The following BABAM2 variants were observed in gnomAD, a reference collection of about 807,000 sequenced individuals.
BABAM2 encodes BRISC and BRCA1-A complex member 2.
BABAM2 carries 31 observed loss-of-function variants against 54.7 expected under a neutral mutation model. The ratio of observed to expected loss-of-function variants is 0.57; its 90% CI spans 0.43 to 0.77. The LOEUF (loss-of-function observed/expected upper bound fraction) is 0.77, where lower values mean the gene tolerates loss of function less well. Ranked by LOEUF, BABAM2 falls within the 30% of genes least tolerant of loss-of-function variation. The pLI, the probability that BABAM2 is intolerant of heterozygous loss-of-function variation, is 0.00. For synonymous variants in BABAM2, 167 were observed against 162.9 expected, an observed-to-expected ratio of 1.03 and a Z score of -0.19; for missense variants, 364 against 455.8, an observed-to-expected ratio of 0.80 and a Z score of 1.83.
At chr2:28,197,454 G>C (rs1677724000) in intron 7 of BABAM2, among the ~76,000 whole-genome samples, 1 of 152,150 alleles carries the variant, frequency 6.6e-6, no homozygotes, top group Admixed American at 6.5e-5. Flanking sequence ...CCTTTTAAAA[G>C]TACCAAAAAC....
intron 6 of BABAM2, among the ~76,000 whole-genome samples, chr2:28,094,930 G>C (rs955030292): frequency 1.5e-5 from 2 of 130,370 alleles, no homozygotes; most frequent in Non-Finnish European, 1.6e-5. Context: ...TTTTCACAAT[G>C]CCTATTAGTC....
chr2:28,274,477 GA>G (rs1392085585), intron 10 of BABAM2, among the ~76,000 whole-genome samples: 3 of 152,166 alleles, frequency 2.0e-5, no homozygotes, highest in Non-Finnish European at 4.4e-5. Flanking sequence ...GTCAGGACCA[GA>G]ATGCAGTGGT....
intron 9 of BABAM2, among the ~76,000 whole-genome samples, chr2:28,242,352 C>G (rs1682524554): frequency 6.6e-6 from 1 of 152,222 alleles, no homozygotes; most frequent in African/African-American, 2.4e-5. Context: ...CATCCCTGTG[C>G]CTTTGCCCTT....
At chr2:28,266,126 A>T (rs1220628761) in intron 10 of BABAM2, among the ~76,000 whole-genome samples, 1 of 152,090 alleles carries the variant, frequency 6.6e-6, no homozygotes, top group East Asian at 1.9e-4. Context: ...CTGGGATTAC[A>T]GGCACACACC....
chr2:27,896,841 C>T, intron 2 of BABAM2: 1 of 214,444 alleles, frequency 4.7e-6, no homozygotes, highest in East Asian at 1.4e-4. Context: ...CTGGGTCCGC[C>T]ATTGCTTCCC....
chr2:27,969,093 T>A (rs1035369754), intron 3 of BABAM2, among the ~76,000 whole-genome samples: 5 of 152,114 alleles, frequency 3.3e-5, no homozygotes, highest in African/African-American at 1.2e-4. Flanking sequence ...AGTGAGTAAG[T>A]CTCATGAGAT....
chr2:28,033,862 A>T (rs865922412), intron 5 of BABAM2, among the ~76,000 whole-genome samples: 8 of 151,896 alleles, frequency 5.3e-5, no homozygotes, highest in Non-Finnish European at 1.2e-4. Flanking sequence ...TAGTTTACAT[A>T]TAAAAATCAT....
intron 6 of BABAM2, among the ~76,000 whole-genome samples, chr2:28,115,631 TA>T (rs1357272313): frequency 6.7e-6 from 1 of 150,256 alleles, no homozygotes; most frequent in Non-Finnish European, 1.5e-5. Flanking sequence ...TCTCAAAAAA[TA>T]AATAAATAAA....
chr2:28,003,046 A>T (rs1476993442), intron 4 of BABAM2, among the ~76,000 whole-genome samples: 2 of 152,200 alleles, frequency 1.3e-5, no homozygotes, highest in Non-Finnish European at 2.9e-5. Flanking sequence ...TGTTTTATAC[A>T]TTTTGGTGAT....
At chr2:28,243,884 T>C (rs930124982) in intron 9 of BABAM2, among the ~76,000 whole-genome samples, 1 of 152,144 alleles carries the variant, frequency 6.6e-6, no homozygotes, top group African/African-American at 2.4e-5. Flanking sequence ...TCAATATCAG[T>C]GGTCTGATTG....
chr2:28,174,553 G>T (rs1674708619), intron 7 of BABAM2, among the ~76,000 whole-genome samples: 1 of 151,710 alleles, frequency 6.6e-6, no homozygotes, highest in South Asian at 2.1e-4. Context: ...GGATCAGCTA[G>T]AAGCCCTGAG....
At chr2:28,069,918 A>G (rs952660271) in intron 6 of BABAM2, among the ~76,000 whole-genome samples, 2 of 152,210 alleles carry the variant, frequency 1.3e-5, no homozygotes, top group Non-Finnish European at 2.9e-5. Flanking sequence ...TCTGTTGCGC[A>G]GGCTGGATCA....
At chr2:28,316,428 G>A (rs1440405043) in intron 11 of BABAM2, among the ~76,000 whole-genome samples, 1 of 120,150 alleles carries the variant, frequency 8.3e-6, no homozygotes. Flanking sequence ...GGGTGGGGGT[G>A]GGGGTGGGGG....
chr2:28,241,417 A>C (rs748390739), intron 9 of BABAM2, 24 bp downstream of exon 9: 192 of 1,606,348 alleles, frequency 1.2e-4, no homozygotes, highest in Non-Finnish European at 1.5e-4. Context: ...TGTTTGAACG[A>C]TATACCGGTG....
chr2:28,024,616 T>G (rs1013362892), intron 4 of BABAM2, among the ~76,000 whole-genome samples: 1 of 152,172 alleles, frequency 6.6e-6, no homozygotes, highest in African/African-American at 2.4e-5. Context: ...GAACCATCCT[T>G]TTTCACTTGG....
intron 6 of BABAM2, among the ~76,000 whole-genome samples, chr2:28,107,856 T>A (rs1454048439): frequency 6.6e-6 from 1 of 152,228 alleles, no homozygotes; most frequent in African/African-American, 2.4e-5. Flanking sequence ...GTTTGTTGAA[T>A]GAATTCTGTA....
intron 3 of BABAM2, among the ~76,000 whole-genome samples, chr2:27,972,912 G>A (rs944400375): frequency 3.3e-5 from 5 of 151,342 alleles, no homozygotes; most frequent in East Asian, 1.9e-4. Context: ...GACTACAGGC[G>A]CGCACCCCCA....
At chr2:27,936,880 A>G (rs1668525140) in intron 3 of BABAM2, among the ~76,000 whole-genome samples, 1 of 152,160 alleles carries the variant, frequency 6.6e-6, no homozygotes, top group African/African-American at 2.4e-5. Flanking sequence ...GCACACCAGC[A>G]TGGCACATGT....
chr2:28,158,704 A>G (rs1180365460), intron 7 of BABAM2, among the ~76,000 whole-genome samples: 2 of 152,202 alleles, frequency 1.3e-5, no homozygotes, highest in Non-Finnish European at 2.9e-5. Flanking sequence ...ATAGCTTGAG[A>G]CTTCTACTAC....
Sources: gnomAD v4.1 joint callset for allele counts (sites outside exome capture counted in the v4.1 genomes callset) on GRCh38, gnomAD v4.1.1 for gene constraint, MANE v1.5 for transcripts, NCBI Gene and HGNC (gene_info 2026-07-23, HGNC 2026-07-21) for gene names.